PIEZO2: variants seen among roughly 807,000 people sequenced by gnomAD.
The protein encoded by PIEZO2 is piezo type mechanosensitive ion channel component 2.
PIEZO2 carries 172 observed loss-of-function variants against 337.3 expected under a neutral mutation model. The observed-to-expected ratio is 0.51, with a 90% CI of 0.45 to 0.58. PIEZO2 has a LOEUF of 0.58. PIEZO2 is among the 20% of genes least tolerant of loss of function. The pLI is 0.00. For synonymous variants in PIEZO2, 1,251 were observed against 1,228.5 expected, an observed-to-expected ratio of 1.02 and a Z score of -0.38; for missense variants, 3,028 against 3,391.3, an observed-to-expected ratio of 0.89 and a Z score of 2.66.
chr18:10,700,461 A>G (rs2035284247), intron 43 of PIEZO2, among the ~76,000 whole-genome samples: 1 of 152,018 alleles, frequency 6.6e-6, no homozygotes, highest in South Asian at 2.1e-4. Flanking sequence ...CAAATCTCAT[A>G]TACATTCATA....
Position 10,837,280 on chromosome 18 carries a change from G to T in PIEZO2, c.917+18073C>A, listed in dbSNP as rs1395978059. 2.0e-5 allele frequency among the ~76,000 whole-genome samples: 3 copies of T among 152,220 alleles called. No individual in the cohort carries two copies. Among genetic ancestry groups the T allele is most frequent in the African/African-American group, 7.2e-5 (3 of 41,462 alleles). On this transcript the variant is annotated intron_variant, in intron 7 of 55. Transcript: ENST00000674853. This position sits in a 1 kb window ranked among gnomAD's most constrained non-coding sequence, Gnocchi z 4.4. ...CTTTCCTAAGTCTAGAATGAGAAGAGCCTTTAAGTTCTCACTGATCCTCAA... is the reference window on the plus strand; with the variant it reads ...CTTTCCTAAGTCTAGAATGAGAAGATCCTTTAAGTTCTCACTGATCCTCAA...
chr18:11,016,982 G>A lies in PIEZO2; in HGVS notation c.161-37322C>T, dbSNP rs374632757. 1.1e-4 allele frequency among the ~76,000 whole-genome samples: 16 copies of A among 152,300 alleles called. No homozygotes were observed. The South Asian group carries it at 2.5e-3, about 24-fold the overall frequency. ...TTCAGAGGAGAGCACAGGATTGAAGGGTCAGGGTTAGAAACAGTCTCAGGT... is the reference window on the plus strand; with the variant it reads ...TTCAGAGGAGAGCACAGGATTGAAGAGTCAGGGTTAGAAACAGTCTCAGGT... On this transcript the variant is annotated intron_variant, in intron 2 of 55. Transcript: ENST00000674853. The surrounding 1 kb of genome is among the most constrained non-coding windows in gnomAD (Gnocchi z 5.6).
chr18:10,887,205 G>T (rs2044689263), intron 4 of PIEZO2, among the ~76,000 whole-genome samples: 1 of 151,366 alleles, frequency 6.6e-6, no homozygotes. Context: ...GATTAGCTGG[G>T]ACTACAGGTG....
At chr18:11,066,025 T>C in intron 2 of PIEZO2, 102 bp downstream of exon 2, 1 of 888,788 alleles carries the variant, frequency 1.1e-6, no homozygotes. Context: ...CCCTGCTGCA[T>C]AGATAACATC....
chr18:10,881,405 T>G (rs978561440), intron 4 of PIEZO2, among the ~76,000 whole-genome samples: 1 of 152,204 alleles, frequency 6.6e-6, no homozygotes, highest in African/African-American at 2.4e-5. Flanking sequence ...AGGCAGCAGG[T>G]CTGTTAAAAG....
intron 49 of PIEZO2, among the ~76,000 whole-genome samples, chr18:10,684,387 A>T (rs1372114572): frequency 6.7e-6 from 1 of 149,672 alleles, no homozygotes; most frequent in Admixed American, 6.6e-5. Context: ...GGGTGGTCTC[A>T]ATCTCCTGGC....
At chr18:10,764,809 GC>G (rs2038284760) in intron 21 of PIEZO2, among the ~76,000 whole-genome samples, 1 of 152,100 alleles carries the variant, frequency 6.6e-6, no homozygotes, top group Non-Finnish European at 1.5e-5. Flanking sequence ...ACATGGAAAG[GC>G]CCTGCAAACC....
chr18:10,880,887 ATATAT>A (rs2042398803), intron 4 of PIEZO2, among the ~76,000 whole-genome samples: 1 of 83,058 alleles, frequency 1.2e-5, no homozygotes. Flanking sequence ...ATATATATAT[ATATAT>A]ATATATATAA....
At chr18:10,961,327 T>C (rs1278828611) in intron 3 of PIEZO2, among the ~76,000 whole-genome samples, 5 of 152,182 alleles carry the variant, frequency 3.3e-5, no homozygotes, top group African/African-American at 4.8e-5. Flanking sequence ...AAACCAAACA[T>C]CGTATGTTCT....
intron 1 of PIEZO2, among the ~76,000 whole-genome samples, chr18:11,139,570 C>T (rs1314242732): frequency 6.6e-6 from 1 of 152,124 alleles, no homozygotes; most frequent in African/African-American, 2.4e-5. Context: ...TCCATCCCAT[C>T]CCACCTAGAC....
Position 10,727,006 on chromosome 18 carries a change from C to A in PIEZO2, c.5029+4401G>T. On this transcript the variant is annotated intron_variant, in intron 36 of 55. Coordinates refer to ENST00000674853, the MANE Select transcript of PIEZO2 (RefSeq NM_001378183.1). This position sits in a 1 kb window ranked among gnomAD's most constrained non-coding sequence, Gnocchi z 6.3. Reference sequence around the variant, plus strand: ...CCAGATAGGCCCCCAGAACATGAAGCTGTTTGCTCTGTGCTTCCACGGTCT... The same window carrying A: ...CCAGATAGGCCCCCAGAACATGAAGATGTTTGCTCTGTGCTTCCACGGTCT... The A allele has an allele frequency of 1.1e-6, 1 of 908,282 alleles. No homozygotes were observed. Among genetic ancestry groups the A allele is most frequent in the Non-Finnish European group, 1.6e-6 (1 of 608,988 alleles). 56.3% of individuals were successfully genotyped at this position (908,282 alleles called of 1,614,324 possible).
Position 10,716,099 on chromosome 18 carries a change from A to G in PIEZO2, c.5090-283T>C, listed in dbSNP as rs187859583. 1.2e-4 allele frequency among the ~76,000 whole-genome samples: 18 copies of G among 152,314 alleles called. No individual in the cohort carries two copies. In the East Asian group the frequency reaches 3.5e-3, roughly 29 times the overall value. On this transcript the variant is annotated intron_variant, in intron 37 of 55. Transcript: ENST00000674853. This position sits in a 1 kb window ranked among gnomAD's most constrained non-coding sequence, Gnocchi z 4.1. ...CTCCCTGTGCAGCTGACCCTTGAAC[A>G]TGGGTTTGGACAGCGTGGATCCACT...
At chr18:10,975,277 C>T (rs1244735695) in intron 3 of PIEZO2, among the ~76,000 whole-genome samples, 2 of 152,182 alleles carry the variant, frequency 1.3e-5, no homozygotes, top group East Asian at 1.9e-4. Context: ...ACATCTAACA[C>T]GGAGTCAAAC....
chr18:10,891,424 A>G (rs1258111355), intron 4 of PIEZO2, among the ~76,000 whole-genome samples: 2 of 152,108 alleles, frequency 1.3e-5, no homozygotes, highest in Non-Finnish European at 2.9e-5. Flanking sequence ...AGATGAAGAC[A>G]GTACAAATCC....
chr18:10,966,109 A>T (rs904208341), intron 3 of PIEZO2, among the ~76,000 whole-genome samples: 2 of 152,182 alleles, frequency 1.3e-5, no homozygotes, highest in African/African-American at 4.8e-5. Flanking sequence ...CCTCATTGAC[A>T]CCTGGAGTTC....
At chr18:10,874,379 G>A (rs2042217241) in intron 4 of PIEZO2, among the ~76,000 whole-genome samples, 1 of 152,106 alleles carries the variant, frequency 6.6e-6, no homozygotes, top group Admixed American at 6.6e-5. Context: ...GTATAATAGT[G>A]TAGCTACTAT....
At chr18:11,107,649 G>C (rs1026461286) in intron 1 of PIEZO2, among the ~76,000 whole-genome samples, 1 of 152,204 alleles carries the variant, frequency 6.6e-6, no homozygotes, top group Admixed American at 6.5e-5. Flanking sequence ...ATATTAATGA[G>C]TTTGAAATGC....
chr18:10,794,944 G>A lies in PIEZO2; in HGVS notation c.1586C>T (p.Thr529Ile), dbSNP rs1299087222. 2 of 1,546,448 alleles carry A rather than the reference G, an allele frequency of 1.3e-6. No homozygotes were observed. The highest frequency in any genetic ancestry group is 2.7e-5 in the African/African-American group (2 of 73,026). Reference protein sequence around the residue: ...LTFVLLIWSCTLWMIRNRRKY... With the variant: ...LTFVLLIWSCILWMIRNRRKY... Reference sequence around the variant, plus strand: ...TCTTCTGTTGCGAATCATCCAAAGAGTGCACGACCAGATCAGCAGCACGAA... The same window carrying A: ...TCTTCTGTTGCGAATCATCCAAAGAATGCACGACCAGATCAGCAGCACGAA... Residue 529 changes from threonine to isoleucine, a missense_variant, in exon 13 of 56, where the codon ACT becomes ATT. Thr to Ile is a moderately conservative substitution (Grantham distance 89). Around this residue, in one of 5 missense-constraint regions of PIEZO2, gnomAD observed 50 missense variants for 88.2 expected, o/e 0.57. Transcript: ENST00000674853. This position sits in a 1 kb window ranked among gnomAD's most constrained non-coding sequence, Gnocchi z 6.6.
At chr18:10,935,055 A>C (rs2032308286) in intron 3 of PIEZO2, among the ~76,000 whole-genome samples, 1 of 152,178 alleles carries the variant, frequency 6.6e-6, no homozygotes, top group East Asian at 1.9e-4. Flanking sequence ...ACTATGCTAC[A>C]GGGTTGCTTC....
Sources: allele counts gnomAD v4.1 joint callset (sites outside exome capture counted in the v4.1 genomes callset), GRCh38; gene constraint gnomAD v4.1.1; regional missense constraint gnomAD v4.1.1; non-coding constraint Gnocchi (gnomAD v3.1); transcripts MANE v1.5; gene names NCBI Gene and HGNC (gene_info 2026-07-23, HGNC 2026-07-21).